Variants in CFH observed in about 807,000 individuals in gnomAD.
CFH encodes the protein complement factor H.
A neutral mutation model predicts 147.3 loss-of-function variants in CFH; 53 were observed. The observed-to-expected ratio is 0.36, with a 90% confidence interval of 0.29 to 0.45. CFH has a LOEUF of 0.45. CFH is among the 20% of genes least tolerant of loss of function. The pLI is 1.00. For synonymous variants in CFH, 536 were observed against 489.4 expected (o/e 1.10, Z -1.26); for missense variants, 1,380 against 1,498.0 (o/e 0.92, Z 1.30).
At chr1:196,731,172 T>C (rs184745744) in intron 15 of CFH, among the ~76,000 whole-genome samples, 1 of 151,862 alleles carries the variant, frequency 6.6e-6, no homozygotes, top group Non-Finnish European at 1.5e-5. Flanking sequence ...GCTTTATTCA[T>C]GGTTTGATGA....
chr1:196,701,581 T>C, intron 9 of CFH: 1 of 529,916 alleles, frequency 1.9e-6, no homozygotes, highest in Non-Finnish European at 3.4e-6. Context: ...ACTGTCTCAG[T>C]GTATTGTTCT....
chr1:196,715,817 T>G, intron 11 of CFH, 48 bp downstream of exon 11: 4 of 1,519,924 alleles, frequency 2.6e-6, no homozygotes, highest in Non-Finnish European at 3.6e-6. Flanking sequence ...AAAATAAATC[T>G]GTTTTCCAAT....
At chr1:196,692,396 T>G (rs1485324392) in intron 9 of CFH, 1 of 842,880 alleles carries the variant, frequency 1.2e-6, no homozygotes, top group East Asian at 1.3e-4. Context: ...GCTAATAATA[T>G]GCCTTGATTA....
At chr1:196,744,838 A>G (rs1435726565) in intron 20 of CFH, among the ~76,000 whole-genome samples, 1 of 151,972 alleles carries the variant, frequency 6.6e-6, no homozygotes, top group Admixed American at 6.5e-5. Flanking sequence ...GTTTTATTTT[A>G]ATTTGAAGAA....
chr1:196,737,466 T>C lies in CFH; in HGVS notation c.2597-9T>C. The C allele has an allele frequency of 6.2e-7, 1 of 1,601,368 alleles. No homozygotes were observed. The highest frequency in any genetic ancestry group is 1.1e-5 in the South Asian group (1 of 90,304). Reference sequence around the variant, plus strand: ...GTTTTTAACCCTTTGATTTTCATTCTTCATTTAGAAAAAATTCCATGTTCA... The same window carrying C: ...GTTTTTAACCCTTTGATTTTCATTCCTCATTTAGAAAAAATTCCATGTTCA... On this transcript the variant is annotated splice_polypyrimidine_tract_variant and intron_variant, in intron 16 of 21. Transcript: ENST00000367429.
At position 196,737,495 on chromosome 1, in the gene CFH, C is replaced by T; in HGVS notation, c.2617C>T (p.Pro873Ser). 3 of 1,612,500 alleles carry T rather than the reference C, an allele frequency of 1.9e-6. No homozygotes were observed. The highest frequency in any genetic ancestry group is 2.5e-6 in the Non-Finnish European group (3 of 1,178,966). Residue 873 changes from proline to serine, a missense_variant, in exon 17 of 22, where the codon CCA (proline) becomes TCA (serine). Pro to Ser is a moderately conservative substitution (Grantham distance 74). Around this residue, in one of 4 missense-constraint regions of CFH, gnomAD observed 830 missense variants for 821.4 expected, o/e 1.01. Coordinates refer to ENST00000367429, the MANE Select transcript of CFH (RefSeq NM_000186.4). ...TTTAGAAAAAATTCCATGTTCACAACCACCTCAGATAGAACACGGAACCAT... is the reference window on the plus strand; with the variant it reads ...TTTAGAAAAAATTCCATGTTCACAATCACCTCAGATAGAACACGGAACCAT... ...LCVEKIPCSQ[P>S]PQIEHGTINS...
At chr1:196,746,035 T>A (rs557804014) in intron 21 of CFH, 36 bp downstream of exon 21, 53 of 1,614,018 alleles carry the variant, frequency 3.3e-5, no homozygotes, top group African/African-American at 2.5e-4. Flanking sequence ...TGGAAAAATC[T>A]CTGTGATGAG....
intron 9 of CFH, among the ~76,000 whole-genome samples, chr1:196,702,096 G>A (rs1272405361): frequency 2.0e-5 from 3 of 152,078 alleles, no homozygotes; most frequent in African/African-American, 7.2e-5. Flanking sequence ...AGACTGTTTG[G>A]ACTGATTTAC....
At chr1:196,684,047 A>G (rs1019761922) in intron 6 of CFH, among the ~76,000 whole-genome samples, 1 of 151,986 alleles carries the variant, frequency 6.6e-6, no homozygotes, top group African/African-American at 2.4e-5. Context: ...ATAGTATTTT[A>G]TCTTAAAACG....
chr1:196,674,724 A>G (rs189543062), intron 3 of CFH, among the ~76,000 whole-genome samples: 3 of 152,328 alleles, frequency 2.0e-5, no homozygotes, highest in Admixed American at 2.0e-4. Context: ...GCAATAAAAT[A>G]TAATAGTTTA....
At chr1:196,732,436 T>C (rs1669301567) in intron 15 of CFH, among the ~76,000 whole-genome samples, 1 of 152,060 alleles carries the variant, frequency 6.6e-6, no homozygotes, top group South Asian at 2.1e-4. Context: ...TTATTTTGAA[T>C]TCTTTCTTGA....
chr1:196,740,102 T>C (rs1448252881), intron 17 of CFH, among the ~76,000 whole-genome samples: 5 of 152,160 alleles, frequency 3.3e-5, no homozygotes, highest in Non-Finnish European at 7.3e-5. Flanking sequence ...AAAATCGCCC[T>C]CATGATTCAA....
intron 1 of CFH, among the ~76,000 whole-genome samples, chr1:196,665,293 CT>C (rs1163917463): frequency 6.6e-6 from 1 of 150,874 alleles, no homozygotes; most frequent in Non-Finnish European, 1.5e-5. Flanking sequence ...TGTATATGTT[CT>C]GTTTGCAAAT....
chr1:196,704,593 G>T (rs761650246), intron 9 of CFH, among the ~76,000 whole-genome samples: 8 of 152,210 alleles, frequency 5.3e-5, no homozygotes, highest in African/African-American at 1.4e-4. Flanking sequence ...GCAGATGGGA[G>T]GCCAGGGAAA....
chr1:196,683,002 A>G (rs1368995712), intron 6 of CFH, among the ~76,000 whole-genome samples: 1 of 151,508 alleles, frequency 6.6e-6, no homozygotes, highest in African/African-American at 2.4e-5. Context: ...ACTAATATAC[A>G]ACTTATGAGA....
At chr1:196,694,897 G>T (rs902652822) in intron 9 of CFH, among the ~76,000 whole-genome samples, 1 of 152,152 alleles carries the variant, frequency 6.6e-6, no homozygotes, top group Non-Finnish European at 1.5e-5. Flanking sequence ...GTAGATTCTT[G>T]ATATTAGACC....
In CFH at chr1:196,677,460, C is replaced by A. The variant is rs1436066775; in HGVS notation, c.428-16C>A. Reference sequence around the variant, plus strand: ...TTTAAAATTCCATTAGAAAACATTACATGTATTTTCTTCAGTTGTGAAGTG... The same window carrying A: ...TTTAAAATTCCATTAGAAAACATTAAATGTATTTTCTTCAGTTGTGAAGTG... On this transcript the variant is annotated splice_polypyrimidine_tract_variant and intron_variant, in intron 4 of 21. Coordinates refer to ENST00000367429, the MANE Select transcript of CFH (RefSeq NM_000186.4). 8 of 1,607,518 alleles carry A rather than the reference C, an allele frequency of 5.0e-6. No homozygotes were observed. Among genetic ancestry groups the A allele is most frequent in the Non-Finnish European group, 6.8e-6 (8 of 1,174,556 alleles).
intron 9 of CFH, among the ~76,000 whole-genome samples, chr1:196,711,815 T>C (rs1668729327): frequency 6.6e-6 from 1 of 152,102 alleles, no homozygotes; most frequent in South Asian, 2.1e-4. Flanking sequence ...GTAGTGTTCT[T>C]CATCTGATAG....
intron 5 of CFH, chr1:196,678,641 T>C (rs1667539275): frequency 6.6e-6 from 1 of 152,006 alleles, no homozygotes; most frequent in African/African-American, 2.4e-5. Context: ...TCCTTACAAC[T>C]AGATTCCTGT....
Sources: allele counts gnomAD v4.1 joint callset (sites outside exome capture counted in the v4.1 genomes callset), GRCh38; gene constraint gnomAD v4.1.1; regional missense constraint gnomAD v4.1.1; transcripts MANE v1.5; gene names NCBI Gene and HGNC (gene_info 2026-07-23, HGNC 2026-07-21).